Variants in XPO1 observed in about 807,000 individuals in gnomAD.
The protein encoded by XPO1 is exportin-1.
A neutral mutation model predicts 133.3 loss-of-function variants in XPO1; 5 were observed. The ratio of observed to expected loss-of-function variants is 0.04; its 90% CI spans 0.02 to 0.08. XPO1 has a LOEUF of 0.08. XPO1 is among the 10% of genes least tolerant of loss of function. XPO1 has a pLI of 1.00. For synonymous variants in XPO1, 419 were observed against 408.2 expected (o/e 1.03, Z -0.32); for missense variants, 506 against 1,267.5 (o/e 0.40, Z 9.12).
intron 4 of XPO1, among the ~76,000 whole-genome samples, chr2:61,520,913 CAT>C (rs367775046): frequency 3.3e-4 from 51 of 152,250 alleles, no homozygotes; most frequent in African/African-American, 7.2e-4. Context: ...GCTCATAACA[CAT>C]GAGTAAAACA....
At chr2:61,514,109 C>T (rs1698234136) in intron 4 of XPO1, among the ~76,000 whole-genome samples, 1 of 151,830 alleles carries the variant, frequency 6.6e-6, no homozygotes. Context: ...ATCGCTTGAA[C>T]CCAGGAGGCA....
Position 61,490,791 on chromosome 2 carries a change from A to C in XPO1, c.1888-15T>G. ...AACGTATGAACCTATTTTAAAAAGC[A>C]GACATTTTAACGTTTATGTTATACA... On this transcript the variant is annotated splice_polypyrimidine_tract_variant and intron_variant, in intron 16 of 24. Transcript: ENST00000401558. 6.2e-7 allele frequency: 1 copy of C among 1,609,934 alleles called. No homozygotes were observed. The highest frequency in any genetic ancestry group is 8.5e-7 in the Non-Finnish European group (1 of 1,178,668).
chr2:61,481,165 A>T lies in XPO1; in HGVS notation c.3069+20T>A. On this transcript the variant is annotated intron_variant, in intron 24 of 24. Transcript: ENST00000401558. The stretch of plus-strand genomic sequence containing the variant: ...TCACATCTACCCCTAATATTTCTGC[A>T]AGAGCAAATAAATACATACCTTTAT... 1.3e-6 allele frequency: 2 copies of T among 1,546,630 alleles called. No individual in the cohort carries two copies. Among genetic ancestry groups the T allele is most frequent in the Non-Finnish European group, 1.8e-6 (2 of 1,135,210 alleles).
Position 61,478,923 on chromosome 2 carries a change from C to T in XPO1, c.3113G>A (p.Arg1038Lys). 6.2e-7 allele frequency: 1 copy of T among 1,614,128 alleles called. No homozygotes were observed. The highest frequency in any genetic ancestry group is 8.5e-7 in the Non-Finnish European group (1 of 1,180,006). Residue 1038 changes from arginine to lysine, a missense_variant, in exon 25 of 25, where the codon AGA becomes AAA. Around this residue, in one of 6 missense-constraint regions of XPO1, gnomAD observed 203 missense variants for 365.9 expected, o/e 0.55. Transcript: ENST00000401558. ...EDTSDLFLEEREIALRQADEE... is the reference protein window; with the variant it reads ...EDTSDLFLEEKEIALRQADEE... ...ATCAGCCTGCCGTAGGGCTATTTCT[C>T]TCTCTTCCAAAAACAAATCAGAAGT...
chr2:61,529,419 T>A (rs1413242329), intron 2 of XPO1, among the ~76,000 whole-genome samples: 4 of 152,146 alleles, frequency 2.6e-5, no homozygotes, highest in African/African-American at 4.8e-5. Context: ...ACACTTTGGG[T>A]GGCCAAGGTG....
Position 61,516,870 on chromosome 2 carries a change from T to A in XPO1, c.301+5741A>T, listed in dbSNP as rs555008072. On this transcript the variant is annotated intron_variant, in intron 4 of 24. Transcript: ENST00000401558. Reference sequence around the variant, plus strand: ...ACAAAGGAGGCTTCCTCTTTTTTTTTATTTGAATTATCTAAATGCCATTTT... The same window carrying A: ...ACAAAGGAGGCTTCCTCTTTTTTTTAATTTGAATTATCTAAATGCCATTTT... Among the ~76,000 whole-genome samples the A allele has an allele frequency of 5.3e-5, 8 of 152,274 alleles. No individual in the cohort carries two copies. The South Asian group carries it at 1.5e-3, about 28-fold the overall frequency.
chr2:61,538,255 T>C lies in XPO1; in HGVS notation c.-700A>G. Reference sequence around the variant, plus strand: ...CCGCTGCAGCCGCTTCTCCCCCTCCTCCTAGTGCCTCAAACTCGGAACCGG... The same window carrying C: ...CCGCTGCAGCCGCTTCTCCCCCTCCCCCTAGTGCCTCAAACTCGGAACCGG... On this transcript the variant is annotated 5_prime_UTR_variant, in exon 1 of 25. Transcript: ENST00000401558. 1 of 158,566 alleles carries C rather than the reference T, an allele frequency of 6.3e-6. No homozygotes were observed. Among genetic ancestry groups the C allele is most frequent in the East Asian group, 1.8e-4 (1 of 5,558 alleles). 9.8% of individuals were successfully genotyped at this position (158,566 alleles called of 1,614,324 possible). A position where few individuals can be genotyped will look rare whatever the true frequency, so the allele number is the denominator to read the frequency against.
chr2:61,480,270 ATCAGT>A (rs1558623853), intron 24 of XPO1: 1 of 145,368 alleles, frequency 6.9e-6, no homozygotes, highest in African/African-American at 2.6e-5. Flanking sequence ...CTTCGTAGCT[ATCAGT>A]TAACTTTTTT....
chr2:61,493,740 A>G (rs1697107551), intron 12 of XPO1, 154 bp downstream of exon 12: 1 of 780,270 alleles, frequency 1.3e-6, no homozygotes, highest in African/African-American at 1.7e-5. Flanking sequence ...TTCTAGACTC[A>G]ACTCCTTTCA....
chr2:61,497,248 G>A (rs372879065), intron 9 of XPO1, among the ~76,000 whole-genome samples: 3 of 151,954 alleles, frequency 2.0e-5, no homozygotes, highest in South Asian at 2.1e-4. Flanking sequence ...ACAGAGTCTC[G>A]CTCGCCCAGG....
chr2:61,483,727 C>A (rs1696528924), intron 21 of XPO1: 3 of 513,664 alleles, frequency 5.8e-6, no homozygotes, highest in Non-Finnish European at 1.0e-5. Flanking sequence ...TATTACTAGG[C>A]CGCTCTCCCC....
In XPO1 at chr2:61,478,694, TA is replaced by T; in HGVS notation, c.*125del. On this transcript the variant is annotated 3_prime_UTR_variant, in exon 25 of 25. Coordinates refer to ENST00000401558, the MANE Select transcript of XPO1 (RefSeq NM_003400.4). ...AAAATTTCTTATACAAAAAAACACATAAGAAAAAGGGCCACTAGGTGACATT... is the reference window on the plus strand; with the variant it reads ...AAAATTTCTTATACAAAAAAACACATAGAAAAAGGGCCACTAGGTGACATT... 1.1e-6 allele frequency: 1 copy of T among 929,710 alleles called. No individual in the cohort carries two copies. Among genetic ancestry groups the T allele is most frequent in the Non-Finnish European group, 1.5e-6 (1 of 659,454 alleles). 57.6% of individuals were successfully genotyped at this position (929,710 alleles called of 1,614,324 possible). A position where few individuals can be genotyped will look rare whatever the true frequency, so the allele number is the denominator to read the frequency against.
At chr2:61,484,379 C>T (rs972740529) in intron 20 of XPO1, 11 of 325,120 alleles carry the variant, frequency 3.4e-5, no homozygotes, top group Non-Finnish European at 5.6e-5. Context: ...CATAAGACTA[C>T]TACTATCACT....
rs1332977917 is a variant in XPO1, at chr2:61,494,080, A to G, written c.1059T>C (p.Tyr353=). Residue 353 remains tyrosine (Y), a synonymous_variant, in exon 12 of 25, where the codon TAT becomes TAC. Transcript: ENST00000401558. ...CTTCTACTTCAGATACCAACAACAT[A>G]TAATGAAGGGCCTACACAGAAGACC... ...LRETLMEALH[Y]MLLVSEVEET... The G allele has an allele frequency of 8.7e-6, 14 of 1,613,604 alleles. No homozygotes were observed. Among genetic ancestry groups the G allele is most frequent in the Non-Finnish European group, 1.2e-5 (14 of 1,179,882 alleles).
At chr2:61,479,105 T>C (rs757382179) in intron 24 of XPO1, 139 bp from the exon 25 acceptor site, 1 of 955,266 alleles carries the variant, frequency 1.0e-6, no homozygotes, top group Middle Eastern at 2.3e-4. Flanking sequence ...AATTATAGGA[T>C]AGTGACACAG....
intron 4 of XPO1, among the ~76,000 whole-genome samples, chr2:61,521,973 G>T (rs1414207900): frequency 2.6e-5 from 4 of 152,098 alleles, no homozygotes; most frequent in Non-Finnish European, 4.4e-5. Flanking sequence ...ACCCAGGATG[G>T]TCTCAAACTT....
At chr2:61,509,065 A>G (rs964889123) in intron 4 of XPO1, among the ~76,000 whole-genome samples, 1 of 152,064 alleles carries the variant, frequency 6.6e-6, no homozygotes, top group African/African-American at 2.4e-5. Flanking sequence ...CAATGGTGCT[A>G]TCTCCGCTCA....
intron 4 of XPO1, among the ~76,000 whole-genome samples, chr2:61,519,137 G>C (rs938116651): frequency 6.6e-6 from 1 of 152,110 alleles, no homozygotes; most frequent in Non-Finnish European, 1.5e-5. Context: ...TTTTAGTAGA[G>C]ATAGGGTTTC....
At chr2:61,532,940 G>A (rs1699221660) in intron 2 of XPO1, among the ~76,000 whole-genome samples, 1 of 152,148 alleles carries the variant, frequency 6.6e-6, no homozygotes, top group African/African-American at 2.4e-5. Context: ...CACTTTGGGA[G>A]GCCGAGTCAG....
Sources: allele counts gnomAD v4.1 joint callset (sites outside exome capture counted in the v4.1 genomes callset), GRCh38; gene constraint gnomAD v4.1.1; regional missense constraint gnomAD v4.1.1; transcripts MANE v1.5; gene names NCBI Gene and HGNC (gene_info 2026-07-23, HGNC 2026-07-21).